TMEM178B: variants seen among roughly 807,000 people sequenced by gnomAD.
The protein encoded by TMEM178B is transmembrane protein 178B.
TMEM178B carries 5 observed loss-of-function variants against 31.0 expected under a neutral mutation model. The ratio of observed to expected loss-of-function variants is 0.16; its 90% confidence interval spans 0.08 to 0.34. The LOEUF is 0.34. Ranked by LOEUF, TMEM178B falls within the 10% of genes least tolerant of loss-of-function variation. The pLI, the probability that TMEM178B is intolerant of heterozygous loss-of-function variation, is 1.00. For missense variants in TMEM178B, 275 were observed against 400.3 expected (o/e 0.69, Z 2.67); for synonymous variants, 164 against 164.0 (o/e 1.00, Z 0.00).
At chr7:141,244,997 C>T (rs1270023484) in intron 2 of TMEM178B, among the ~76,000 whole-genome samples, 2 of 151,062 alleles carry the variant, frequency 1.3e-5, no homozygotes, top group Non-Finnish European at 1.5e-5. Context: ...ATTTAGCAGG[C>T]ATGGTGGCGT....
At chr7:141,108,256 A>G (rs57176671) in intron 1 of TMEM178B, among the ~76,000 whole-genome samples, 19,240 of 152,168 alleles carry the variant, frequency 0.13, 1,485 homozygotes, top group African/African-American at 0.22. Context: ...ATTTTCAGAG[A>G]TGGGAAAAAT....
intron 2 of TMEM178B, among the ~76,000 whole-genome samples, chr7:141,340,708 G>A (rs1477966304): frequency 6.6e-6 from 1 of 152,142 alleles, no homozygotes; most frequent in Non-Finnish European, 1.5e-5. Context: ...AAAAGTAAAA[G>A]GAAAGGAAAA....
intron 2 of TMEM178B, among the ~76,000 whole-genome samples, chr7:141,288,481 A>AT (rs1250518004): frequency 1.3e-5 from 2 of 148,560 alleles, no homozygotes; most frequent in Non-Finnish European, 3.0e-5. Flanking sequence ...CCGGAAAAAA[A>AT]TGAAAAAAAA....
chr7:141,168,977 TG>T (rs539557195), intron 1 of TMEM178B, among the ~76,000 whole-genome samples: 48 of 152,244 alleles, frequency 3.2e-4, no homozygotes, highest in South Asian at 6.2e-4. Context: ...TTCTTTGTGT[TG>T]GAAACATTCC....
At chr7:141,434,592 C>G (rs1397427566) in intron 2 of TMEM178B, among the ~76,000 whole-genome samples, 1 of 152,150 alleles carries the variant, frequency 6.6e-6, no homozygotes, top group African/African-American at 2.4e-5. Flanking sequence ...TTGAGAATAT[C>G]CATCACCTTG....
At chr7:141,160,867 G>A (rs1484113845) in intron 1 of TMEM178B, among the ~76,000 whole-genome samples, 3 of 151,962 alleles carry the variant, frequency 2.0e-5, no homozygotes, top group Non-Finnish European at 4.4e-5. Flanking sequence ...CTTTTTCTTT[G>A]TTTTTTTGAG....
chr7:141,319,696 C>T (rs1040711865), intron 2 of TMEM178B, among the ~76,000 whole-genome samples: 1 of 152,180 alleles, frequency 6.6e-6, no homozygotes, highest in Non-Finnish European at 1.5e-5. Flanking sequence ...CACCACCATG[C>T]CTGGCTAATT....
chr7:141,356,895 G>A (rs1006845242), intron 2 of TMEM178B, among the ~76,000 whole-genome samples: 28 of 151,962 alleles, frequency 1.8e-4, no homozygotes, highest in African/African-American at 6.3e-4. Flanking sequence ...ATGATATTTT[G>A]TGGTCCATAA....
intron 1 of TMEM178B, among the ~76,000 whole-genome samples, chr7:141,182,038 G>C (rs1469749663): frequency 6.6e-6 from 1 of 152,170 alleles, no homozygotes; most frequent in Non-Finnish European, 1.5e-5. Context: ...TTTTCACCCA[G>C]CCCTGCTCAT....
intron 2 of TMEM178B, among the ~76,000 whole-genome samples, chr7:141,322,027 T>C (rs1186383354): frequency 6.6e-6 from 1 of 152,098 alleles, no homozygotes; most frequent in Non-Finnish European, 1.5e-5. Context: ...GAAGGTAAAA[T>C]CAAGTTAGAC....
intron 1 of TMEM178B, among the ~76,000 whole-genome samples, chr7:141,081,640 A>T (rs1253051159): frequency 1.3e-5 from 2 of 152,100 alleles, no homozygotes; most frequent in Non-Finnish European, 1.5e-5. Context: ...CCATCTCAAA[A>T]AAAAGAAAAA....
chr7:141,346,470 A>G (rs774743492), intron 2 of TMEM178B, among the ~76,000 whole-genome samples: 17 of 152,172 alleles, frequency 1.1e-4, no homozygotes, highest in Non-Finnish European at 2.2e-4. Flanking sequence ...GACAGTACCT[A>G]CCTTCAGGGC....
intron 2 of TMEM178B, among the ~76,000 whole-genome samples, chr7:141,412,509 C>G (rs1801009541): frequency 6.6e-6 from 1 of 152,112 alleles, no homozygotes; most frequent in Non-Finnish European, 1.5e-5. Flanking sequence ...TTGCACCAGC[C>G]TGAATTGGTT....
intron 1 of TMEM178B, among the ~76,000 whole-genome samples, chr7:141,187,239 G>A (rs1796625009): frequency 6.6e-6 from 1 of 151,274 alleles, no homozygotes; most frequent in African/African-American, 2.4e-5. Context: ...ATGGTTTCCA[G>A]TTTCATCCAT....
intron 2 of TMEM178B, among the ~76,000 whole-genome samples, chr7:141,321,946 C>G (rs1232274815): frequency 6.6e-6 from 1 of 152,008 alleles, no homozygotes; most frequent in Admixed American, 6.5e-5. Flanking sequence ...CAAAGGCAGC[C>G]TGTGCTCATC....
chr7:141,269,928 G>C (rs192553816), intron 2 of TMEM178B, among the ~76,000 whole-genome samples: 105 of 152,252 alleles, frequency 6.9e-4, no homozygotes, highest in Non-Finnish European at 1.1e-3. Flanking sequence ...AGCCAGGGCT[G>C]GTGGCGCATG....
intron 2 of TMEM178B, among the ~76,000 whole-genome samples, chr7:141,390,089 C>A (rs1424335516): frequency 6.6e-6 from 1 of 151,940 alleles, no homozygotes; most frequent in African/African-American, 2.4e-5. Context: ...AAATCCATTT[C>A]CTCTCAGGTT....
At chr7:141,227,105 C>G (rs566393369) in intron 2 of TMEM178B, among the ~76,000 whole-genome samples, 1 of 152,286 alleles carries the variant, frequency 6.6e-6, no homozygotes, top group Admixed American at 6.5e-5. Context: ...AGAGAGACAC[C>G]TTAGGGAACC....
At chr7:141,482,961 C>G (rs1426666164), downstream of TMEM178B, among the ~76,000 whole-genome samples, 1 of 151,974 alleles carries the variant, frequency 6.6e-6, no homozygotes, top group African/African-American at 2.4e-5. Flanking sequence ...CATGAAGTAC[C>G]TATGTGGCTA....
Sources: allele counts gnomAD v4.1 joint callset (sites outside exome capture counted in the v4.1 genomes callset), GRCh38; gene constraint gnomAD v4.1.1; transcripts MANE v1.5; gene names NCBI Gene and HGNC (gene_info 2026-07-23, HGNC 2026-07-21).